Variants in DMD observed in about 807,000 individuals in gnomAD.
DMD encodes the protein dystrophin.
In DMD, 63 loss-of-function variants were observed where a neutral mutation model predicts 330.1. The ratio of observed to expected loss-of-function variants is 0.19; its 90% CI spans 0.16 to 0.24. DMD has a LOEUF of 0.24. DMD is among the 10% of genes least tolerant of loss of function. DMD has a pLI of 1.00. For missense variants in DMD, 3,344 were observed against 2,684.1 expected (o/e 1.25, Z -5.43); for synonymous variants, 1,223 against 959.8 (o/e 1.27, Z -5.07).
At chrX:31,179,702 C>G (rs2040952748) in intron 69 of DMD, among the ~76,000 whole-genome samples, 2 of 111,497 alleles carry the variant, frequency 1.8e-5, no homozygotes, top group Non-Finnish European at 3.8e-5. Context: ...TTGCCATTTC[C>G]CTAGTGATTT....
chrX:31,689,291 G>A (rs1386537363), intron 52 of DMD, among the ~76,000 whole-genome samples: 6 of 112,161 alleles, frequency 5.3e-5, no homozygotes, highest in Non-Finnish European at 7.5e-5. Context: ...TAAAATCAAT[G>A]TGCAAAAATC....
intron 52 of DMD, among the ~76,000 whole-genome samples, chrX:31,682,388 G>C (rs1007906025): frequency 1.1e-4 from 12 of 111,313 alleles, no homozygotes; most frequent in African/African-American, 3.9e-4. Flanking sequence ...GTGTCTCATT[G>C]TTGTTGTTCC....
At chrX:32,589,919 G>C (rs1184926911) in intron 13 of DMD, among the ~76,000 whole-genome samples, 1 of 111,200 alleles carries the variant, frequency 9.0e-6, no homozygotes, top group Non-Finnish European at 1.9e-5. Flanking sequence ...TACTAGAAAG[G>C]AATATATTAA....
In DMD at chrX:32,411,903, C is replaced by G. The variant is rs753639717; in HGVS notation, c.4082G>C (p.Arg1361Thr). 4 of 1,208,609 alleles carry G rather than the reference C, an allele frequency of 3.3e-6. No individual in the cohort carries two copies. Among genetic ancestry groups the G allele is most frequent in the Non-Finnish European group, 4.5e-6 (4 of 894,657 alleles). The change falls in exon 30 of 79, where the codon AGG (arginine) becomes ACG (threonine). Residue 1361 changes from arginine to threonine, a missense_variant. Arg to Thr is a moderately conservative substitution (Grantham distance 71). Transcript: ENST00000357033. ...GATGCTCTGTTCAAGCAACTTTTGCCTCCTTACAGCCTAAAAAGAAGGAAT... is the reference window on the plus strand; with the variant it reads ...GATGCTCTGTTCAAGCAACTTTTGCGTCCTTACAGCCTAAAAAGAAGGAAT... ...WRELHEEAVR[R>T]QKLLEQSIQS...
intron 1 of DMD, among the ~76,000 whole-genome samples, chrX:33,235,225 G>A (rs746809279): frequency 4.7e-4 from 52 of 111,581 alleles, no homozygotes; most frequent in Admixed American, 8.6e-4. Flanking sequence ...TTGTGAGCAC[G>A]CACCAGTTCC....
chrX:32,217,037 C>G lies in DMD; in HGVS notation c.6317G>C (p.Trp2106Ser). ...CTTTATATCATAATGAAAACGCCGCCATTTCTCAACAGATCTGTCAAATCG... is the reference window on the plus strand; with the variant it reads ...CTTTATATCATAATGAAAACGCCGCGATTTCTCAACAGATCTGTCAAATCG... Reference protein sequence around the residue: ...QGRFDRSVEKWRRFHYDIKIF... With the variant: ...QGRFDRSVEKSRRFHYDIKIF... Residue 2106 changes from tryptophan to serine, a missense_variant, in exon 44 of 79, where the codon TGG becomes TCG. Transcript: ENST00000357033. 2 of 1,209,371 alleles carry G rather than the reference C, an allele frequency of 1.7e-6. No individual in the cohort carries two copies. The highest frequency in any genetic ancestry group is 2.2e-6 in the Non-Finnish European group (2 of 893,929).
At chrX:32,502,669 G>A (rs771332162) in intron 18 of DMD, among the ~76,000 whole-genome samples, 2 of 112,110 alleles carry the variant, frequency 1.8e-5, no homozygotes, top group Non-Finnish European at 3.8e-5. Context: ...AATATAGTAA[G>A]AACAACACAC....
chrX:33,010,129 TATGTATATATAC>T (rs2093657140), intron 2 of DMD, among the ~76,000 whole-genome samples: 1 of 104,377 alleles, frequency 9.6e-6, no homozygotes, highest in Non-Finnish European at 2.0e-5. Context: ...TGTGTGTATA[TATGTATATATAC>T]GTGTATATAT....
At chrX:32,144,524 G>A (rs1231145396) in intron 44 of DMD, among the ~76,000 whole-genome samples, 2 of 110,915 alleles carry the variant, frequency 1.8e-5, no homozygotes, top group Non-Finnish European at 3.8e-5. Flanking sequence ...TAATACATAC[G>A]GATACAACTT....
intron 2 of DMD, among the ~76,000 whole-genome samples, chrX:32,903,038 T>C (rs2086407252): frequency 9.9e-6 from 1 of 101,485 alleles, no homozygotes; most frequent in African/African-American, 3.7e-5. Flanking sequence ...ATGCCTGTAG[T>C]CCCAGCTACT....
chrX:32,320,845 C>G (rs922324055), intron 41 of DMD, among the ~76,000 whole-genome samples: 1 of 111,558 alleles, frequency 9.0e-6, no homozygotes, highest in Non-Finnish European at 1.9e-5. Flanking sequence ...GGTATTATAT[C>G]TATCAGAAAA....
chrX:31,393,800 C>T (rs779804493), intron 60 of DMD, among the ~76,000 whole-genome samples: 1 of 111,921 alleles, frequency 8.9e-6, no homozygotes, highest in South Asian at 3.8e-4. Context: ...CACACGTTGA[C>T]TCCCAGACTC....
Position 32,441,236 on chromosome X carries a change from G to C in DMD, c.3865C>G (p.Leu1289Val). 8.3e-7 allele frequency: 1 copy of C among 1,209,068 alleles called. No homozygotes were observed. Among genetic ancestry groups the C allele is most frequent in the Non-Finnish European group, 1.1e-6 (1 of 893,407 alleles). The change falls in exon 28 of 79, where the codon CTT becomes GTT. Residue 1289 changes from leucine (L) to valine (V), a missense_variant. By Grantham distance (32) the Leu-to-Val change is conservative. Transcript: ENST00000357033. ...CCAGGAATGTTTTCAGTGGTTTTAA[G>C]TTTAAATTCTACTTCATTTAGCCAC... ...NKWLNEVEFKLKTTENIPGGA... is the reference protein window; with the variant it reads ...NKWLNEVEFKVKTTENIPGGA...
At chrX:32,645,417 A>G (rs2059719609) in intron 9 of DMD, among the ~76,000 whole-genome samples, 1 of 112,101 alleles carries the variant, frequency 8.9e-6, no homozygotes, top group Non-Finnish European at 1.9e-5. Flanking sequence ...GTAAATTAGT[A>G]TATCACCTCA....
chrX:32,833,585 G>C (rs758245987), intron 4 of DMD, among the ~76,000 whole-genome samples: 1 of 105,958 alleles, frequency 9.4e-6, no homozygotes, highest in Non-Finnish European at 1.9e-5. Flanking sequence ...TTGAATTTTT[G>C]TAATTACGTA....
In DMD at chrX:33,060,640, C is replaced by G. The variant is rs190220461; in HGVS notation, c.32-40440G>C. On this transcript the variant is annotated intron_variant, in intron 1 of 78. Coordinates refer to ENST00000357033, the MANE Select transcript of DMD (RefSeq NM_004006.3). ...CTGAGGTCTAGAGTTCGAGACCAGC[C>G]TGACCAACATAGTGAAACCCCTTTC... Among the ~76,000 whole-genome samples, 4 of 110,396 alleles carry G rather than the reference C, an allele frequency of 3.6e-5. No individual in the cohort carries two copies. In the East Asian group the frequency reaches 1.1e-3, roughly 32 times the overall value.
intron 60 of DMD, among the ~76,000 whole-genome samples, chrX:31,386,730 G>C (rs952105835): frequency 8.9e-6 from 1 of 112,170 alleles, no homozygotes; most frequent in Non-Finnish European, 1.9e-5. Flanking sequence ...ATGATTTAGA[G>C]TCCTGATCTA....
intron 1 of DMD, among the ~76,000 whole-genome samples, chrX:33,096,998 C>A (rs1446983702): frequency 9.0e-6 from 1 of 111,350 alleles, no homozygotes; most frequent in African/African-American, 3.3e-5. Flanking sequence ...TGTGTTTTAC[C>A]AGCAGAATCA....
In DMD at chrX:32,644,237, G is replaced by T; in HGVS notation, c.1226C>A (p.Thr409Lys). The T allele has an allele frequency of 2.5e-6, 3 of 1,210,570 alleles. No individual in the cohort carries two copies. Among genetic ancestry groups the T allele is most frequent in the Non-Finnish European group, 3.4e-6 (3 of 894,773 alleles). The part of the protein sequence containing the change: ...ILQLGSKLIG[T>K]GKLSEDEETE... ...TTCTTCATCTTCTGATAATTTTCCT[G>T]TTCCAATCAGCTTACTTCCCAATTG... is the stretch of plus-strand genomic sequence containing the variant. The change falls in exon 11 of 79, where the codon ACA becomes AAA. Residue 409 changes from threonine (T) to lysine (K), a missense_variant. Transcript: ENST00000357033.
Sources: gnomAD v4.1 joint callset for allele counts (sites outside exome capture counted in the v4.1 genomes callset) on GRCh38, gnomAD v4.1.1 for gene constraint, MANE v1.5 for transcripts, NCBI Gene and HGNC (gene_info 2026-07-23, HGNC 2026-07-21) for gene names.